The following KIT variants were observed in gnomAD, a reference collection of about 807,000 sequenced individuals.
KIT encodes KIT proto-oncogene, receptor tyrosine kinase, also known as mast/stem cell growth factor receptor Kit.
Under a neutral mutation model 105.7 loss-of-function variants are expected in KIT, and 16 were observed. The observed-to-expected ratio is 0.15, with a 90% CI of 0.10 to 0.23. The LOEUF is 0.23. KIT is among the 10% of genes least tolerant of loss of function. KIT has a pLI of 1.00. For synonymous variants in KIT, 438 were observed against 441.1 expected (o/e 0.99, Z 0.09); for missense variants, 858 against 1,213.8 (o/e 0.71, Z 4.36).
chr4:54,680,821 C>T (rs372878808), intron 1 of KIT, among the ~76,000 whole-genome samples: 14 of 152,288 alleles, frequency 9.2e-5, no homozygotes, highest in East Asian at 3.9e-4. Context: ...AGCTCACACT[C>T]GCCCACACCC....
At chr4:54,672,904 G>T (rs2109575184) in intron 1 of KIT, among the ~76,000 whole-genome samples, 1 of 152,276 alleles carries the variant, frequency 6.6e-6, no homozygotes, top group South Asian at 2.1e-4. Context: ...TATATTTAAA[G>T]GTCAGGTTGG....
chr4:54,669,077 A>T (rs1717911120), intron 1 of KIT, among the ~76,000 whole-genome samples: 1 of 152,190 alleles, frequency 6.6e-6, no homozygotes, highest in South Asian at 2.1e-4. Flanking sequence ...ATATGTTAGG[A>T]TAGCTAATGA....
intron 1 of KIT, among the ~76,000 whole-genome samples, chr4:54,677,318 T>G (rs1208562315): frequency 2.8e-5 from 4 of 143,876 alleles, no homozygotes; most frequent in African/African-American, 1.0e-4. Flanking sequence ...CATTCTACTA[T>G]GGGAAAGGCA....
intron 4 of KIT, 43 bp downstream of exon 4, chr4:54,699,809 G>T: frequency 6.2e-7 from 1 of 1,610,734 alleles, no homozygotes; most frequent in Non-Finnish European, 8.5e-7. Flanking sequence ...GTCTCTGTGG[G>T]AGATGATAAG....
In KIT at chr4:54,708,337, A is replaced by T. The variant is rs75875427; in HGVS notation, c.1115+1050A>T. Among the ~76,000 whole-genome samples the T allele has an allele frequency of 4.2e-4, 64 of 152,280 alleles. 1 individual carries two copies. In the East Asian group the frequency reaches 9.3e-3, roughly 22 times the overall value. On this transcript the variant is annotated intron_variant, in intron 6 of 20. Transcript: ENST00000288135. ...GAGCCTGAGACAGGGATTCTGAGGC[A>T]AGTGACTTATGCAGGGATAGACTGA... is the stretch of plus-strand genomic sequence containing the variant.
In KIT at chr4:54,732,045, ATTTTTTTT is replaced by A. The variant is rs71662297; in HGVS notation, c.2361+65_2361+72del. The A allele has an allele frequency of 3.3e-4, 297 of 888,794 alleles. No homozygotes were observed. The African/African-American group carries it at 3.6e-3, about 11-fold the overall frequency. 55.1% of individuals were successfully genotyped at this position (888,794 alleles called of 1,614,324 possible). A position where few individuals can be genotyped will look rare whatever the true frequency, so the allele number is the denominator to read the frequency against. On this transcript the variant is annotated intron_variant, in intron 16 of 20. Coordinates refer to ENST00000288135, the MANE Select transcript of KIT (RefSeq NM_000222.3). ...AAGAGTTTTGTGTTTTGTTTTTTTG[ATTTTTTTT>A]TTTTTTTTTTTTTTTTTGAGAACAG...
chr4:54,660,765 A>T (rs1051946581), intron 1 of KIT, among the ~76,000 whole-genome samples: 2 of 152,162 alleles, frequency 1.3e-5, no homozygotes, highest in African/African-American at 4.8e-5. Context: ...GTGAAGCCTG[A>T]TGAGATTGGC....
In KIT at chr4:54,740,186, C is replaced by T. The variant is rs748767060; in HGVS notation, c.*1629C>T. The T allele has an allele frequency of 1.7e-4, 40 of 233,562 alleles. No individual in the cohort carries two copies. The highest frequency in any genetic ancestry group is 7.5e-4 in the African/African-American group (34 of 45,446). 14.5% of individuals were successfully genotyped at this position (233,562 alleles called of 1,614,324 possible). ...TAGACTACATTTAGAGAACTGTGGC[C>T]GTTATCTGGAAGTAACCATTTGCAC... is the stretch of plus-strand genomic sequence containing the variant. On this transcript the variant is annotated 3_prime_UTR_variant, in exon 21 of 21. Coordinates refer to ENST00000288135, the MANE Select transcript of KIT (RefSeq NM_000222.3).
rs762453840 is a variant in KIT at position 54,695,666 on chromosome 4, G to A, written c.222G>A (p.Thr74=). The change falls in exon 2 of 21, where the codon ACG becomes ACA. Residue 74 remains threonine, a synonymous_variant. Coordinates refer to ENST00000288135, the MANE Select transcript of KIT (RefSeq NM_000222.3). ...GGACTTTTGAGATCCTGGATGAAAC[G>A]AATGAGAATAAGCAGAATGAATGGA... ...VKWTFEILDE[T]NENKQNEWIT... 44 of 1,614,096 alleles carry A rather than the reference G, an allele frequency of 2.7e-5. No individual in the cohort carries two copies. In the Admixed American group the frequency reaches 4.2e-4, roughly 15 times the overall value.
chr4:54,669,939 G>A (rs887537562), intron 1 of KIT, among the ~76,000 whole-genome samples: 5 of 152,142 alleles, frequency 3.3e-5, no homozygotes, highest in Admixed American at 3.3e-4. Context: ...AGTCAGGGAA[G>A]CTTTGTGAGG....
At chr4:54,687,935 C>A (rs1160096067) in intron 1 of KIT, among the ~76,000 whole-genome samples, 1 of 152,156 alleles carries the variant, frequency 6.6e-6, no homozygotes, top group Non-Finnish European at 1.5e-5. Context: ...CCATGAGCAT[C>A]TAGTTCTGGT....
intron 17 of KIT, among the ~76,000 whole-genome samples, chr4:54,734,893 C>T (rs887234999): frequency 3.3e-5 from 5 of 152,060 alleles, no homozygotes; most frequent in Non-Finnish European, 7.4e-5. Flanking sequence ...ATCGAAATAG[C>T]TATGAAGATA....
chr4:54,737,270 G>C lies in KIT; in HGVS notation c.2792G>C (p.Ser931Thr). The C allele has an allele frequency of 6.2e-7, 1 of 1,609,336 alleles. No homozygotes were observed. The highest frequency in any genetic ancestry group is 8.5e-7 in the Non-Finnish European group (1 of 1,175,670). ...VQLIEKQISE[S>T]TNHIYSNLAN... ...CTAATTGAGAAGCAGATTTCAGAGA[G>C]CACCAATCATGTGAGTATACCCTGG... is the stretch of plus-strand genomic sequence containing the variant. Residue 931 changes from serine (S) to threonine (T), a missense_variant, in exon 20 of 21, where the codon AGC (serine) becomes ACC (threonine). Transcript: ENST00000288135.
chr4:54,708,111 G>A (rs1720905872), intron 6 of KIT, among the ~76,000 whole-genome samples: 1 of 152,178 alleles, frequency 6.6e-6, no homozygotes, highest in Non-Finnish European at 1.5e-5. Context: ...GGGCAGGAGA[G>A]GCAGGGAGGA....
In KIT at chr4:54,738,422, T is replaced by C; in HGVS notation, c.2803-7T>C. 6.2e-7 allele frequency: 1 copy of C among 1,614,086 alleles called. No homozygotes were observed. Among genetic ancestry groups the C allele is most frequent in the African/African-American group, 1.3e-5 (1 of 75,034 alleles). On this transcript the variant is annotated splice_region_variant and splice_polypyrimidine_tract_variant and intron_variant, in intron 20 of 20. Transcript: ENST00000288135. ...TGCTGTATTGACTATGGGCTTGTTT[T>C]CTCCAGATTTACTCCAACTTAGCAA...
chr4:54,716,356 A>AT (rs1226784958), intron 7 of KIT, among the ~76,000 whole-genome samples: 1 of 152,154 alleles, frequency 6.6e-6, no homozygotes, highest in African/African-American at 2.4e-5. Flanking sequence ...AATTAAAACA[A>AT]TTTTTTCTCA....
chr4:54,678,834 A>G (rs905802434), intron 1 of KIT, among the ~76,000 whole-genome samples: 3 of 152,234 alleles, frequency 2.0e-5, no homozygotes, highest in Non-Finnish European at 4.4e-5. Flanking sequence ...CAAGATTAGT[A>G]CAGAGAACTC....
chr4:54,698,047 G>A (rs550782204), intron 2 of KIT, among the ~76,000 whole-genome samples: 2 of 152,266 alleles, frequency 1.3e-5, no homozygotes, highest in South Asian at 4.2e-4. Context: ...GGGGCAATTT[G>A]AAGATTAAAT....
At chr4:54,680,612 C>T (rs1019288367) in intron 1 of KIT, among the ~76,000 whole-genome samples, 1 of 151,796 alleles carries the variant, frequency 6.6e-6, no homozygotes, top group African/African-American at 2.4e-5. Context: ...AGGCTGGTCT[C>T]GAACTCTTGA....
Sources: allele counts gnomAD v4.1 joint callset (sites outside exome capture counted in the v4.1 genomes callset), GRCh38; gene constraint gnomAD v4.1.1; transcripts MANE v1.5; gene names NCBI Gene and HGNC (gene_info 2026-07-23, HGNC 2026-07-21).